The following PPP2R2C variants were observed in gnomAD, a reference collection of about 807,000 sequenced individuals.
The protein encoded by PPP2R2C is protein phosphatase 2, regulatory subunit B, gamma.
PPP2R2C carries 10 observed loss-of-function variants against 45.3 expected under a neutral mutation model. That is an observed-to-expected ratio of 0.22 (90% confidence interval 0.14 to 0.37). The LOEUF (loss-of-function observed/expected upper bound fraction) is 0.37. Ranked by LOEUF, PPP2R2C falls within the 10% of genes least tolerant of loss-of-function variation. PPP2R2C has a pLI of 1.00. For synonymous variants in PPP2R2C, 257 were observed against 245.4 expected (o/e 1.05, Z -0.44); for missense variants, 308 against 619.7 (o/e 0.50, Z 5.34).
At chr4:6,465,059 C>T (rs1184760924) in intron 1 of PPP2R2C, among the ~76,000 whole-genome samples, 1 of 152,142 alleles carries the variant, frequency 6.6e-6, no homozygotes, top group African/African-American at 2.4e-5. Context: ...TACTGTGTGA[C>T]TTGGGGGCGG....
rs59905632 is a variant in PPP2R2C at position 6,481,978 on chromosome 4, CAAAAAA to C, written c.49+53287_49+53292del. Among the ~76,000 whole-genome samples the C allele has an allele frequency of 7.6e-3, 615 of 81,164 alleles. 1 individual carries two copies. Among genetic ancestry groups the C allele is most frequent in the Non-Finnish European group, 0.011 (496 of 45,852 alleles). 53.2% of individuals were successfully genotyped at this position (81,164 alleles called of 152,430 possible). On this transcript the variant is annotated intron_variant, in intron 2 of 9. Transcript: ENST00000506140. ...TGGGTGACAGAGCGAGACTCCGTCT[CAAAAAA>C]AAAAAAAAAAAAAAAAAAAAGTAAA...
chr4:6,535,357 G>C, exon 2 of PPP2R2C: 3 of 1,531,294 alleles, frequency 2.0e-6, no homozygotes, highest in Non-Finnish European at 2.6e-6. Context: ...TTTCAAAAAA[G>C]GTCTTCTTTC....
rs375808604 is a variant in PPP2R2C at position 6,503,790 on chromosome 4, G to A, written c.49+31481C>T. Reference sequence around the variant, plus strand: ...AGACATAACAGTGGAATACTACTTGGCAATTAAAAAAAAAAAAACAAAAAC... The same window carrying A: ...AGACATAACAGTGGAATACTACTTGACAATTAAAAAAAAAAAAACAAAAAC... On this transcript the variant is annotated intron_variant, in intron 2 of 9. Transcript: ENST00000506140. 4.9e-3 allele frequency among the ~76,000 whole-genome samples: 511 copies of A among 104,674 alleles called. 3 individuals carry two copies. The highest frequency in any genetic ancestry group is 0.015 in the African/African-American group (475 of 30,806). The allele number at this position is 104,674 out of a possible 152,430, so 68.7% of individuals were successfully genotyped here. A position where few individuals can be genotyped will look rare whatever the true frequency, so the allele number is the denominator to read the frequency against.
At chr4:6,370,016 T>C (rs1714670389) in intron 5 of PPP2R2C, among the ~76,000 whole-genome samples, 1 of 152,166 alleles carries the variant, frequency 6.6e-6, no homozygotes, top group Non-Finnish European at 1.5e-5. Flanking sequence ...TCGGCATCCA[T>C]AGTGTCACGG....
chr4:6,425,534 G>A (rs746135405), intron 1 of PPP2R2C, among the ~76,000 whole-genome samples: 16 of 152,330 alleles, frequency 1.1e-4, no homozygotes, highest in Non-Finnish European at 1.8e-4. Flanking sequence ...ACAGCTCAGA[G>A]GCTGTGTGTT....
intron 5 of PPP2R2C, among the ~76,000 whole-genome samples, chr4:6,367,458 AC>A (rs539231809): frequency 8.5e-4 from 129 of 152,082 alleles, no homozygotes; most frequent in African/African-American, 3.0e-3. Flanking sequence ...AGGCCTCCTG[AC>A]CCTGGGTTTT....
intron 1 of PPP2R2C, among the ~76,000 whole-genome samples, chr4:6,399,298 A>G (rs891544767): frequency 1.3e-5 from 2 of 152,222 alleles, no homozygotes; most frequent in African/African-American, 2.4e-5. Context: ...GGAAAGAAAG[A>G]AAAGAGGGGA....
chr4:6,464,815 G>T (rs1241561313), intron 1 of PPP2R2C, among the ~76,000 whole-genome samples: 1 of 151,212 alleles, frequency 6.6e-6, no homozygotes, highest in Non-Finnish European at 1.5e-5. Flanking sequence ...GGAGTAGGGG[G>T]TCTTCACACA....
rs1731576773 is a variant in PPP2R2C, at chr4:6,321,978, G to C, written c.*1324C>G. The C allele has an allele frequency of 6.6e-6, 1 of 152,196 alleles. No individual in the cohort carries two copies. Among genetic ancestry groups the C allele is most frequent in the East Asian group, 1.9e-4 (1 of 5,188 alleles). The allele number at this position is 152,196 out of a possible 1,614,324, so 9.4% of individuals were successfully genotyped here. On this transcript the variant is annotated 3_prime_UTR_variant, in exon 9 of 9. Coordinates refer to ENST00000382599, the MANE Select transcript of PPP2R2C (RefSeq NM_020416.4). Reference sequence around the variant, plus strand: ...TTCAGTGCATTGGCTCAAGGAGGGTGCAAGCCCAGGATGAAGTGGAGTCCT... The same window carrying C: ...TTCAGTGCATTGGCTCAAGGAGGGTCCAAGCCCAGGATGAAGTGGAGTCCT...
intron 1 of PPP2R2C, among the ~76,000 whole-genome samples, chr4:6,455,393 G>A (rs1482379498): frequency 6.6e-6 from 1 of 152,142 alleles, no homozygotes; most frequent in African/African-American, 2.4e-5. Context: ...AGCAGTGGGA[G>A]AAGCTCTCTC....
intron 2 of PPP2R2C, among the ~76,000 whole-genome samples, chr4:6,507,498 TACTAG>T (rs1355937907): frequency 6.6e-6 from 1 of 152,248 alleles, no homozygotes. Flanking sequence ...TGGGCTACCC[TACTAG>T]ACTCTCTATG....
chr4:6,431,890 G>A (rs964482842), intron 1 of PPP2R2C, among the ~76,000 whole-genome samples: 4 of 152,156 alleles, frequency 2.6e-5, no homozygotes, highest in African/African-American at 9.7e-5. Flanking sequence ...CACAGTTCTA[G>A]AGGCTGGGAA....
intron 1 of PPP2R2C, among the ~76,000 whole-genome samples, chr4:6,458,191 TC>T (rs1312426237): frequency 2.0e-5 from 3 of 152,366 alleles, no homozygotes; most frequent in African/African-American, 7.2e-5. Flanking sequence ...GCTGGCCAAT[TC>T]CTTCTTTCAG....
Position 6,333,636 on chromosome 4 carries a change from T to G in PPP2R2C, c.886A>C (p.Met296Leu). 6.2e-7 allele frequency: 1 copy of G among 1,614,096 alleles called. No individual in the cohort carries two copies. Among genetic ancestry groups the G allele is most frequent in the Non-Finnish European group, 8.5e-7 (1 of 1,180,000 alleles). ...ACTGTAAGGTAGTCCCGGGTGAGCA[T>G]GTAGCGGCCGCTGTGGCTGAACTTC... is the stretch of plus-strand genomic sequence containing the variant. ...DVKFSHSGRY[M>L]LTRDYLTVKV... Residue 296 changes from methionine (M) to leucine (L), a missense_variant, in exon 7 of 9, where the codon ATG becomes CTG. By Grantham distance (15) the Met-to-Leu change is conservative. Coordinates refer to ENST00000382599, the MANE Select transcript of PPP2R2C (RefSeq NM_020416.4).
intron 1 of PPP2R2C, chr4:6,414,122 GTA>G (rs1718401342): frequency 9.5e-7 from 1 of 1,048,762 alleles, no homozygotes; most frequent in Non-Finnish European, 1.3e-6. Context: ...GTGTGTGTGT[GTA>G]CAGGTAAATA....
At position 6,512,540 on chromosome 4, in the gene PPP2R2C, TGGTGATGG is replaced by T. The variant is rs1723677664; in HGVS notation, c.49+22723_49+22730del. 6.2e-5 allele frequency among the ~76,000 whole-genome samples: 4 copies of T among 64,920 alleles called. 1 individual carries two copies. The highest frequency in any genetic ancestry group is 5.6e-5 in the Non-Finnish European group (2 of 35,516). 42.6% of individuals were successfully genotyped at this position (64,920 alleles called of 152,430 possible). A position where few individuals can be genotyped will look rare whatever the true frequency, so the allele number is the denominator to read the frequency against. ...GTGGTGGTGGTGGTGATGGTGATGG[TGGTGATGG>T]TGGTGATGGTGGTGGTGGTGGTGAT... On this transcript the variant is annotated intron_variant, in intron 2 of 9. Coordinates refer to the PPP2R2C transcript ENST00000506140.
intron 1 of PPP2R2C, among the ~76,000 whole-genome samples, chr4:6,417,113 C>T (rs975293596): frequency 2.0e-5 from 3 of 152,188 alleles, no homozygotes; most frequent in Admixed American, 6.5e-5. Flanking sequence ...AGTGAGGTTC[C>T]GTGTCTCTCT....
intron 1 of PPP2R2C, among the ~76,000 whole-genome samples, chr4:6,393,225 C>T (rs377448062): frequency 2.6e-5 from 4 of 152,158 alleles, no homozygotes; most frequent in African/African-American, 7.2e-5. Flanking sequence ...CCACATCCGT[C>T]GGCAGCCATT....
chr4:6,361,773 C>A (rs1713757651), intron 5 of PPP2R2C, among the ~76,000 whole-genome samples: 1 of 152,176 alleles, frequency 6.6e-6, no homozygotes. Context: ...GGGATGTGCA[C>A]CCAGGCAGCT....
Sources: allele counts gnomAD v4.1 joint callset (sites outside exome capture counted in the v4.1 genomes callset), GRCh38; gene constraint gnomAD v4.1.1; transcripts MANE v1.5; gene names NCBI Gene and HGNC (gene_info 2026-07-23, HGNC 2026-07-21).